Variants in CSMD3 observed in about 807,000 individuals in gnomAD.
CSMD3 encodes CUB and Sushi multiple domains 3.
In CSMD3, 177 loss-of-function variants were observed where a neutral mutation model predicts 435.2. That is an observed-to-expected ratio of 0.41 (90% CI 0.36 to 0.46). The LOEUF is 0.46. Among genes scored for constraint, CSMD3 ranks in the 20% least tolerant of loss-of-function variants. The pLI is 0.34. For synonymous variants in CSMD3, 1,656 were observed against 1,520.5 expected (o/e 1.09, Z -2.07); for missense variants, 4,265 against 4,504.6 (o/e 0.95, Z 1.52).
At chr8:112,613,313 C>T (rs4579554) in intron 22 of CSMD3, among the ~76,000 whole-genome samples, 86,831 of 151,946 alleles carry the variant, frequency 0.57, 25,383 homozygotes, top group African/African-American at 0.69. Flanking sequence ...CTTGCTTAAA[C>T]TTCTTTGGAG....
intron 32 of CSMD3, among the ~76,000 whole-genome samples, chr8:112,421,569 A>ATG (rs386413701): frequency 2.7e-5 from 4 of 146,440 alleles, no homozygotes; most frequent in Non-Finnish European, 6.0e-5. Context: ...TGTTATATAT[A>ATG]TGTAATATAT....
At chr8:113,121,146 GC>G (rs1168962879) in intron 4 of CSMD3, among the ~76,000 whole-genome samples, 1 of 152,008 alleles carries the variant, frequency 6.6e-6, no homozygotes, top group African/African-American at 2.4e-5. Context: ...TTTTATTAGA[GC>G]CCTGGAGATA....
intron 38 of CSMD3, among the ~76,000 whole-genome samples, chr8:112,363,152 C>T (rs958742641): frequency 5.3e-5 from 8 of 152,050 alleles, no homozygotes; most frequent in Middle Eastern, 6.8e-3. Context: ...GTTTTCTATG[C>T]CTCAGTTTCC....
chr8:112,488,364 C>G (rs1431601232), intron 31 of CSMD3, among the ~76,000 whole-genome samples: 1 of 152,116 alleles, frequency 6.6e-6, no homozygotes, highest in African/African-American at 2.4e-5. Context: ...GGAGCTTATG[C>G]TCTTCTAGGG....
At chr8:112,781,074 ATAGAG>A (rs1158785588) in intron 13 of CSMD3, among the ~76,000 whole-genome samples, 1 of 42,038 alleles carries the variant, frequency 2.4e-5, no homozygotes, top group Non-Finnish European at 4.2e-5. Context: ...AAAGGAGAGG[ATAGAG>A]TAGAGGATTT....
chr8:112,532,213 G>A (rs191988747), intron 27 of CSMD3, among the ~76,000 whole-genome samples: 10 of 151,992 alleles, frequency 6.6e-5, no homozygotes, highest in East Asian at 3.9e-4. Flanking sequence ...GAAGGCTTAC[G>A]AGATTTAGAA....
chr8:112,922,627 A>G (rs1007846806), intron 9 of CSMD3, among the ~76,000 whole-genome samples: 8 of 151,856 alleles, frequency 5.3e-5, no homozygotes, highest in African/African-American at 1.9e-4. Flanking sequence ...AGAACATGTG[A>G]TATTTGTCTT....
chr8:113,422,845 A>G (rs1223695602), intron 1 of CSMD3, among the ~76,000 whole-genome samples: 1 of 152,066 alleles, frequency 6.6e-6, no homozygotes, highest in Non-Finnish European at 1.5e-5. Context: ...CATTGTATTT[A>G]GGTATCAGCT....
intron 9 of CSMD3, among the ~76,000 whole-genome samples, chr8:112,924,070 T>C (rs1287583980): frequency 2.6e-5 from 4 of 151,886 alleles, no homozygotes; most frequent in Non-Finnish European, 5.9e-5. Flanking sequence ...CAATTAGGGG[T>C]TGTGGTTAGA....
At chr8:112,840,548 T>C (rs10112881) in intron 11 of CSMD3, among the ~76,000 whole-genome samples, 83,486 of 151,372 alleles carry the variant, frequency 0.55, 24,096 homozygotes, top group East Asian at 0.76. Flanking sequence ...ATTTTGAATG[T>C]TATTATACAA....
chr8:112,665,411 C>T (rs13254460), intron 17 of CSMD3, among the ~76,000 whole-genome samples: 31,191 of 152,070 alleles, frequency 0.21, 4,075 homozygotes, highest in Non-Finnish European at 0.3. Flanking sequence ...GGAATCTGTT[C>T]TCTCCCATGC....
intron 5 of CSMD3, among the ~76,000 whole-genome samples, chr8:113,077,418 T>C (rs760497520): frequency 4.0e-5 from 6 of 151,784 alleles, no homozygotes; most frequent in Non-Finnish European, 7.4e-5. Flanking sequence ...TATAAAAAGC[T>C]CTAAGAATGT....
At chr8:112,668,621 T>C (rs755838002) in intron 16 of CSMD3, among the ~76,000 whole-genome samples, 11 of 152,044 alleles carry the variant, frequency 7.2e-5, no homozygotes, top group Non-Finnish European at 1.6e-4. Flanking sequence ...CTAAAATGAC[T>C]CTCTGGTATA....
intron 22 of CSMD3, among the ~76,000 whole-genome samples, chr8:112,618,911 GATC>G (rs1352340672): frequency 2.0e-5 from 3 of 151,980 alleles, no homozygotes; most frequent in Non-Finnish European, 4.4e-5. Flanking sequence ...TTTTGGTCCA[GATC>G]ATCTTTTTAT....
At position 112,351,216 on chromosome 8, in the gene CSMD3, C is replaced by T. The variant is rs2131054569; in HGVS notation, c.6284G>A (p.Gly2095Glu). 6.2e-7 allele frequency: 1 copy of T among 1,609,412 alleles called. No individual in the cohort carries two copies. Among genetic ancestry groups the T allele is most frequent in the Non-Finnish European group, 8.5e-7 (1 of 1,176,202 alleles). ...QGHSHITCMPGPVRRWNYPIP... is the reference protein window; with the variant it reads ...QGHSHITCMPEPVRRWNYPIP... ...TGGATAATTCCATCTTCTTACAGGTCCTGGCATACATGTAATGTGAGAGTG... is the reference window on the plus strand; with the variant it reads ...TGGATAATTCCATCTTCTTACAGGTTCTGGCATACATGTAATGTGAGAGTG... The change falls in exon 40 of 71, where the codon GGA becomes GAA. Residue 2095 changes from glycine to glutamate, a missense_variant. Physicochemically the swap from Gly to Glu is moderately conservative, Grantham distance 98. Coordinates refer to ENST00000297405, the MANE Select transcript of CSMD3 (RefSeq NM_198123.2).
chr8:112,372,703 A>C (rs557980151), intron 38 of CSMD3, among the ~76,000 whole-genome samples: 1 of 151,988 alleles, frequency 6.6e-6, no homozygotes, highest in Non-Finnish European at 1.5e-5. Flanking sequence ...ACAAAAAATT[A>C]GCTGGGCATG....
intron 13 of CSMD3, among the ~76,000 whole-genome samples, chr8:112,721,916 G>A (rs1327850006): frequency 6.6e-6 from 1 of 151,940 alleles, no homozygotes; most frequent in Non-Finnish European, 1.5e-5. Flanking sequence ...AATATGATTT[G>A]GTCAAGATGC....
At chr8:112,916,990 G>A (rs902696941) in intron 10 of CSMD3, among the ~76,000 whole-genome samples, 5 of 151,834 alleles carry the variant, frequency 3.3e-5, no homozygotes, top group Middle Eastern at 3.2e-3. Flanking sequence ...AGTGAGGGTC[G>A]CAGCTCTTAC....
chr8:112,601,888 T>C, intron 22 of CSMD3, among the ~76,000 whole-genome samples: 1 of 152,304 alleles, frequency 6.6e-6, no homozygotes, highest in Admixed American at 6.5e-5. Flanking sequence ...TTATACTTAA[T>C]CCTAAACCAT....
Sources: allele counts gnomAD v4.1 joint callset (sites outside exome capture counted in the v4.1 genomes callset), GRCh38; gene constraint gnomAD v4.1.1; transcripts MANE v1.5; gene names NCBI Gene and HGNC (gene_info 2026-07-23, HGNC 2026-07-21).